Variants in MAP7D2 observed in about 807,000 individuals in gnomAD.
The protein encoded by MAP7D2 is MAP7 domain containing 2.
In MAP7D2, 33 loss-of-function variants were observed where a neutral mutation model predicts 63.5. The observed-to-expected ratio is 0.52, with a 90% CI of 0.39 to 0.70. The LOEUF (loss-of-function observed/expected upper bound fraction) is 0.70, where lower values mean the gene tolerates loss of function less well. Among genes scored for constraint, MAP7D2 ranks in the 30% least tolerant of loss-of-function variants. The pLI is 0.00. For synonymous variants in MAP7D2, 224 were observed against 223.7 expected (o/e 1.00, Z -0.01); for missense variants, 626 against 604.0 (o/e 1.04, Z -0.38).
chrX:20,074,807 T>G (rs2065603212), intron 1 of MAP7D2, among the ~76,000 whole-genome samples: 1 of 111,328 alleles, frequency 9.0e-6, no homozygotes, highest in Non-Finnish European at 1.9e-5. Context: ...TCCCGGCACT[T>G]TGGGAGGCTG....
intron 1 of MAP7D2, among the ~76,000 whole-genome samples, chrX:20,068,747 G>A (rs2065422214): frequency 8.9e-6 from 1 of 111,878 alleles, no homozygotes; most frequent in Non-Finnish European, 1.9e-5. Flanking sequence ...TGCTTGATAT[G>A]GTTTGGCTCT....
At chrX:20,111,314 T>C (rs1028669234) in intron 1 of MAP7D2, among the ~76,000 whole-genome samples, 4 of 112,090 alleles carry the variant, frequency 3.6e-5, no homozygotes, top group African/African-American at 1.3e-4. Flanking sequence ...ACATGTGCAG[T>C]ATATAACTGC....
intron 6 of MAP7D2, 70 bp downstream of exon 6, chrX:20,050,754 G>A: frequency 9.4e-7 from 1 of 1,068,317 alleles, no homozygotes. Context: ...AAAAATTCAG[G>A]AGTAAATCCT....
chrX:20,092,279 A>T (rs1413430102), intron 1 of MAP7D2, among the ~76,000 whole-genome samples: 1 of 111,128 alleles, frequency 9.0e-6, no homozygotes, highest in Non-Finnish European at 1.9e-5. Context: ...TCAGAAGCAG[A>T]TATCCCAAAA....
intron 7 of MAP7D2, 99 bp downstream of exon 7, chrX:20,044,265 T>C: frequency 2.3e-6 from 2 of 869,773 alleles, no homozygotes; most frequent in African/African-American, 2.0e-5. Flanking sequence ...TCCCAGGAGA[T>C]TGATGGAAAC....
At chrX:20,098,111 G>A (rs762525750) in intron 1 of MAP7D2, among the ~76,000 whole-genome samples, 1 of 111,723 alleles carries the variant, frequency 9.0e-6, no homozygotes, top group African/African-American at 3.3e-5. Flanking sequence ...TGGCTACACG[G>A]ATGATAAGCT....
intron 8 of MAP7D2, among the ~76,000 whole-genome samples, chrX:20,030,621 C>T (rs1359205460): frequency 9.0e-6 from 1 of 111,469 alleles, no homozygotes; most frequent in Non-Finnish European, 1.9e-5. Flanking sequence ...GAATCTAGTT[C>T]CATGTTCTCC....
intron 10 of MAP7D2, among the ~76,000 whole-genome samples, chrX:20,021,736 T>C (rs1382805093): frequency 4.4e-5 from 5 of 112,372 alleles, no homozygotes; most frequent in African/African-American, 1.3e-4. Flanking sequence ...TACCTGTTAT[T>C]GGGTGTACCA....
Position 20,066,547 on chromosome X carries a change from A to C in MAP7D2, c.131-1742T>G, listed in dbSNP as rs550899282. 3.6e-5 allele frequency among the ~76,000 whole-genome samples: 4 copies of C among 112,271 alleles called. No individual in the cohort carries two copies. The South Asian group carries it at 1.5e-3, about 41-fold the overall frequency. ...TTCATTTTGTTTTTGGTCATCTCTT[A>C]ATCATTATGACACTATCAACAATAT... is the stretch of plus-strand genomic sequence containing the variant. On this transcript the variant is annotated intron_variant, in intron 1 of 16. Coordinates refer to ENST00000379643, the MANE Select transcript of MAP7D2 (RefSeq NM_001168465.2).
chrX:20,115,752 T>C (rs1265744095), intron 1 of MAP7D2, among the ~76,000 whole-genome samples: 1 of 111,915 alleles, frequency 8.9e-6, no homozygotes, highest in Non-Finnish European at 1.9e-5. Flanking sequence ...TTCCTTTTCT[T>C]GGCCCATCGT....
chrX:20,025,803 C>T lies in MAP7D2; in HGVS notation c.1157G>A (p.Gly386Asp), dbSNP rs1474118710. 5.8e-6 allele frequency: 7 copies of T among 1,211,773 alleles called. No individual in the cohort carries two copies. Among genetic ancestry groups the T allele is most frequent in the Non-Finnish European group, 7.8e-6 (7 of 895,526 alleles). ...EKEKSNKERE[G>D]TLAQQAAGPQ... ...GCCAGCAGCCTGCTGAGCCAAGGTA[C>T]CTTCCCTTTCCTTGTTGCTCTTCTC... Residue 386 changes from glycine to aspartate, a missense_variant, in exon 9 of 17, where the codon GGT becomes GAT. Gly to Asp is a moderately conservative substitution (Grantham distance 94). Transcript: ENST00000379643.
chrX:20,085,188 C>A (rs1161146273), intron 1 of MAP7D2, among the ~76,000 whole-genome samples: 5 of 112,027 alleles, frequency 4.5e-5, no homozygotes, highest in Non-Finnish European at 7.5e-5. Flanking sequence ...GTCATAATCC[C>A]TGTTGGTGAA....
chrX:20,104,792 C>T (rs12007826), intron 1 of MAP7D2, among the ~76,000 whole-genome samples: 23,635 of 111,278 alleles, frequency 0.21, 1,990 homozygotes, highest in African/African-American at 0.27. Context: ...TTTCACCACC[C>T]ACTGTCACCC....
intron 1 of MAP7D2, among the ~76,000 whole-genome samples, chrX:20,106,324 G>T (rs908549318): frequency 3.6e-5 from 4 of 112,088 alleles, no homozygotes; most frequent in Middle Eastern, 4.6e-3. Flanking sequence ...CCAGGCTGGG[G>T]AAAGCAAAAT....
intron 1 of MAP7D2, among the ~76,000 whole-genome samples, chrX:20,072,439 C>T (rs931223430): frequency 8.9e-6 from 1 of 111,864 alleles, no homozygotes; most frequent in East Asian, 2.8e-4. Context: ...CATCAGGATA[C>T]AAGCTTCTTA....
intron 1 of MAP7D2, among the ~76,000 whole-genome samples, chrX:20,108,638 G>A (rs751744496): frequency 9.3e-6 from 1 of 107,947 alleles, no homozygotes; most frequent in Admixed American, 1.0e-4. Context: ...TAAAAATTGG[G>A]ACTTGTATTT....
In MAP7D2 at chrX:20,057,865, T is replaced by C. The variant is rs192792127; in HGVS notation, c.373-1074A>G. Among the ~76,000 whole-genome samples the C allele has an allele frequency of 2.7e-5, 3 of 112,545 alleles. No homozygotes were observed. The East Asian group carries it at 8.3e-4, about 31-fold the overall frequency. On this transcript the variant is annotated intron_variant, in intron 3 of 16. Transcript: ENST00000379643. ...CCATGACTTAAAGATCAGGAAAGGC[T>C]CCTTTATGTCACACTTACTAGAAAC...
chrX:20,010,185 G>T (rs1407504518), intron 16 of MAP7D2, among the ~76,000 whole-genome samples: 2 of 111,927 alleles, frequency 1.8e-5, no homozygotes, highest in Non-Finnish European at 3.8e-5. Context: ...AGACATTCTT[G>T]CTCAAATGAG....
Position 20,053,659 on chromosome X carries a change from C to T in MAP7D2, c.485-671G>A, listed in dbSNP as rs73193570. On this transcript the variant is annotated intron_variant, in intron 4 of 16. Coordinates refer to ENST00000379643, the MANE Select transcript of MAP7D2 (RefSeq NM_001168465.2). ...ATTTCAGACGGCAAACAAAGAGATG[C>T]TGACAGTGCCCTGCCAAGCTAAGTT... Among the ~76,000 whole-genome samples the T allele has an allele frequency of 7.7e-3, 859 of 111,605 alleles. 8 individuals are homozygous for T. Among genetic ancestry groups the T allele is most frequent in the Middle Eastern group, 0.023 (5 of 218 alleles).
Sources: gnomAD v4.1 joint callset for allele counts (sites outside exome capture counted in the v4.1 genomes callset) on GRCh38, gnomAD v4.1.1 for gene constraint, MANE v1.5 for transcripts, NCBI Gene and HGNC (gene_info 2026-07-23, HGNC 2026-07-21) for gene names.